The following ZNF248 variants were observed in gnomAD, a reference collection of about 807,000 sequenced individuals.
ZNF248 encodes zinc finger protein 248, also known as KRAB protein domain.
Under a neutral mutation model 44.3 loss-of-function variants are expected in ZNF248, and 20 were observed. That is an observed-to-expected ratio of 0.45 (90% CI 0.32 to 0.66). The LOEUF (loss-of-function observed/expected upper bound fraction) is 0.66. Among genes scored for constraint, ZNF248 ranks in the 30% least tolerant of loss-of-function variants. The pLI, the probability that ZNF248 is intolerant of heterozygous loss-of-function variation, is 0.04. For synonymous variants in ZNF248, 224 were observed against 229.0 expected (o/e 0.98, Z 0.20); for missense variants, 654 against 677.0 (o/e 0.97, Z 0.38).
chr10:37,855,035 G>C (rs1455686926), intron 3 of ZNF248, among the ~76,000 whole-genome samples: 1 of 152,204 alleles, frequency 6.6e-6, no homozygotes, highest in Admixed American at 6.5e-5. Flanking sequence ...ATATAAGTTT[G>C]ATAAGCCCTA....
intron 3 of ZNF248, among the ~76,000 whole-genome samples, chr10:37,846,065 T>C (rs2059271437): frequency 6.6e-6 from 1 of 152,202 alleles, no homozygotes; most frequent in Admixed American, 6.5e-5. Context: ...AAATGTACCA[T>C]CACCTTTAAA....
the ZNF248 span, among the ~76,000 whole-genome samples, chr10:37,766,389 G>T: frequency 6.6e-6 from 1 of 152,116 alleles, no homozygotes; most frequent in South Asian, 2.1e-4. Flanking sequence ...TCACATGGCC[G>T]GGTACTCCTC....
At chr10:37,761,384 G>T in the ZNF248 span, among the ~76,000 whole-genome samples, 1 of 152,320 alleles carries the variant, frequency 6.6e-6, no homozygotes, top group East Asian at 1.9e-4. Context: ...AAATTAGTGG[G>T]AAAGGTGTGA....
chr10:37,817,924 ATTTATT>A (rs2052784166), intron 6 of ZNF248, among the ~76,000 whole-genome samples: 1 of 151,798 alleles, frequency 6.6e-6, no homozygotes, highest in Admixed American at 6.6e-5. Flanking sequence ...TTATTTATAT[ATTTATT>A]TTTGAGACGG....
chr10:37,766,299 C>A, the ZNF248 span, among the ~76,000 whole-genome samples: 1 of 152,226 alleles, frequency 6.6e-6, no homozygotes, highest in African/African-American at 2.4e-5. Flanking sequence ...TGAGAACGGG[C>A]AGACTGCCTC....
At chr10:37,780,713 A>G (rs1000087307) in intron 6 of ZNF248, among the ~76,000 whole-genome samples, 1 of 152,062 alleles carries the variant, frequency 6.6e-6, no homozygotes, top group Non-Finnish European at 1.5e-5. Flanking sequence ...ACGCGCGCGC[A>G]CGTGCCCAAA....
intron 6 of ZNF248, among the ~76,000 whole-genome samples, chr10:37,777,760 C>A (rs1238832920): frequency 2.7e-5 from 4 of 147,560 alleles, no homozygotes; most frequent in African/African-American, 1.0e-4. Flanking sequence ...TGTTCAATTC[C>A]CACTTATGAG....
chr10:37,817,378 A>T (rs373347916), intron 6 of ZNF248, among the ~76,000 whole-genome samples: 1 of 114,066 alleles, frequency 8.8e-6, no homozygotes, highest in South Asian at 2.4e-4. Context: ...TTATTTTTAA[A>T]AAAAAAATAG....
intron 6 of ZNF248, among the ~76,000 whole-genome samples, chr10:37,791,293 C>A (rs948698079): frequency 1.3e-5 from 2 of 151,892 alleles, no homozygotes; most frequent in African/African-American, 4.8e-5. Context: ...CCACCTACCT[C>A]GGCCTCCCAA....
At chr10:37,827,447 A>C (rs984681036), downstream of ZNF248, among the ~76,000 whole-genome samples, 6 of 152,334 alleles carry the variant, frequency 3.9e-5, no homozygotes, top group African/African-American at 1.4e-4. Flanking sequence ...ATTAGTCATC[A>C]GTTCTCACCT....
chr10:37,839,235 T>C (rs936505517), intron 3 of ZNF248, among the ~76,000 whole-genome samples: 2 of 152,198 alleles, frequency 1.3e-5, no homozygotes, highest in African/African-American at 4.8e-5. Context: ...TCACATGTCA[T>C]TGCTAGAGGA....
At chr10:37,800,739 G>A (rs2049707346) in intron 6 of ZNF248, among the ~76,000 whole-genome samples, 1 of 151,862 alleles carries the variant, frequency 6.6e-6, no homozygotes, top group Non-Finnish European at 1.5e-5. Context: ...CCCACCAGCA[G>A]TGTATAAACA....
chr10:37,765,104 G>C, the ZNF248 span, among the ~76,000 whole-genome samples: 1 of 151,976 alleles, frequency 6.6e-6, no homozygotes, highest in Non-Finnish European at 1.5e-5. Flanking sequence ...AGGACTACAG[G>C]CCACCATGCC....
At chr10:37,836,805 C>T (rs1008075255) in intron 5 of ZNF248, among the ~76,000 whole-genome samples, 8 of 141,306 alleles carry the variant, frequency 5.7e-5, no homozygotes, top group Non-Finnish European at 9.2e-5. Context: ...CACACACACA[C>T]GCATTTTTTT....
chr10:37,853,253 C>T lies in ZNF248; in HGVS notation c.15+3043G>A, dbSNP rs192116375. 6.0e-3 allele frequency among the ~76,000 whole-genome samples: 919 copies of T among 152,196 alleles called. 10 individuals are homozygous for T. The highest frequency in any genetic ancestry group is 0.021 in the African/African-American group (878 of 41,528). ...AACCAAACCAAGTTATATTAAGTAA[C>T]AATTGCTGAAAACCAAAAGAAAAGA... On this transcript the variant is annotated intron_variant, in intron 3 of 5. Coordinates refer to ENST00000395867, the MANE Select transcript of ZNF248 (RefSeq NM_021045.3).
chr10:37,857,002 G>A (rs148425168), intron 1 of ZNF248, 183 bp downstream of exon 1: 1 of 152,494 alleles, frequency 6.6e-6, no homozygotes, highest in African/African-American at 2.4e-5. Context: ...CCATCCGGCG[G>A]GGATATCAGG....
At chr10:37,815,944 CGT>C (rs1044114528) in intron 6 of ZNF248, among the ~76,000 whole-genome samples, 1 of 146,116 alleles carries the variant, frequency 6.8e-6, no homozygotes, top group African/African-American at 2.6e-5. Flanking sequence ...CCTCTGTATA[CGT>C]GGTTGCTAAA....
At chr10:37,787,257 T>C (rs2047989506) in intron 6 of ZNF248, among the ~76,000 whole-genome samples, 1 of 151,936 alleles carries the variant, frequency 6.6e-6, no homozygotes, top group Non-Finnish European at 1.5e-5. Flanking sequence ...CCAGCCTGGG[T>C]GACAGAGCAA....
chr10:37,856,634 A>G (rs1462194821), intron 1 of ZNF248, 102 bp from the exon 2 acceptor site: 3 of 740,438 alleles, frequency 4.1e-6, no homozygotes, highest in Non-Finnish European at 4.6e-6. Context: ...CCTTGTAGGG[A>G]AAAAAAAAAA....
Sources: gnomAD v4.1 joint callset for allele counts (sites outside exome capture counted in the v4.1 genomes callset) on GRCh38, gnomAD v4.1.1 for gene constraint, MANE v1.5 for transcripts, NCBI Gene and HGNC (gene_info 2026-07-23, HGNC 2026-07-21) for gene names.